NCOR2: variants seen among roughly 807,000 people sequenced by gnomAD.
The protein encoded by NCOR2 is CTG repeat protein 26.
NCOR2 carries 81 observed loss-of-function variants against 262.9 expected under a neutral mutation model. The observed-to-expected ratio is 0.31, with a 90% CI of 0.26 to 0.37. The LOEUF is 0.37. Among genes scored for constraint, NCOR2 ranks in the 10% least tolerant of loss-of-function variants. The pLI is 1.00. For synonymous variants in NCOR2, 1,659 were observed against 1,559.3 expected (o/e 1.06, Z -1.51); for missense variants, 3,385 against 3,621.4 (o/e 0.93, Z 1.68).
intron 16 of NCOR2, among the ~76,000 whole-genome samples, chr12:124,392,124 G>A (rs531538522): frequency 3.3e-5 from 5 of 152,344 alleles, no homozygotes; most frequent in African/African-American, 9.6e-5. Flanking sequence ...CATTACTACC[G>A]CATCGACCGC....
At chr12:124,538,015 C>T (rs1249646796), upstream of NCOR2, 1 of 152,298 alleles carries the variant, frequency 6.6e-6, no homozygotes, top group Non-Finnish European at 1.5e-5. Context: ...GGTGGCCAGC[C>T]ACCTGCAGCA....
rs758743334 is a variant in NCOR2 at position 124,356,782 on chromosome 12, G to T, written c.3101C>A (p.Ala1034Asp). The change falls in exon 23 of 47, where the codon GCC (alanine) becomes GAC (aspartate). Residue 1034 changes from alanine (A) to aspartate (D), a missense_variant and splice_region_variant. Ala to Asp is a moderately radical substitution (Grantham distance 126). Coordinates refer to ENST00000405201, the Ensembl canonical transcript of NCOR2. ...CAGCTTCTGGGCCTCGGCTGCGAAG[G>T]CTGGGAAGAACACAGGCTTCTCTGC... The T allele has an allele frequency of 2.3e-5, 34 of 1,471,594 alleles. No homozygotes were observed. Among genetic ancestry groups the T allele is most frequent in the Middle Eastern group, 1.7e-4 (1 of 5,744 alleles). The allele number at this position is 1,471,594 out of a possible 1,614,324, so 91.2% of individuals were successfully genotyped here.
At chr12:124,532,173 C>T (rs80341023) in intron 1 of NCOR2, among the ~76,000 whole-genome samples, 70 of 152,252 alleles carry the variant, frequency 4.6e-4, no homozygotes, top group African/African-American at 1.4e-3. Context: ...GCTTAGTGCA[C>T]GCATAGCGAG....
intron 4 of NCOR2, among the ~76,000 whole-genome samples, chr12:124,470,910 G>C (rs1593701262): frequency 6.6e-6 from 1 of 152,266 alleles, no homozygotes; most frequent in East Asian, 1.9e-4. Context: ...GCTTCCAGCT[G>C]CAGTCACCAA....
At chr12:124,495,362 C>T, upstream of NCOR2, 1 of 1,445,392 alleles carries the variant, frequency 6.9e-7, no homozygotes. The surrounding 1 kb of genome is among the most constrained non-coding windows in gnomAD (Gnocchi z 4.4). Context: ...CACCCCGTCA[C>T]TGGCACCTGC....
At position 124,512,214 on chromosome 12, in the gene NCOR2, C is replaced by T. The variant is rs969818306; in HGVS notation, c.-117-16846G>A. Among the ~76,000 whole-genome samples the T allele has an allele frequency of 5.9e-5, 9 of 152,146 alleles. No individual in the cohort carries two copies. The South Asian group carries it at 6.2e-4, about 11-fold the overall frequency. ...GGCATGAGCCACCTCGCCCGGCCAA[C>T]GACAGCAATTTATTCTCTAACAGTT... On this transcript the variant is annotated intron_variant, in intron 1 of 46. Transcript: ENST00000404621.
chr12:124,554,884 G>A (rs2051834273), intron 1 of NCOR2, among the ~76,000 whole-genome samples: 1 of 152,266 alleles, frequency 6.6e-6, no homozygotes, highest in Non-Finnish European at 1.5e-5. Flanking sequence ...CGCAGCCTGG[G>A]AGCCTTCGAG....
chr12:124,493,102 C>T (rs2048181490), intron 1 of NCOR2, among the ~76,000 whole-genome samples: 2 of 152,256 alleles, frequency 1.3e-5, no homozygotes, highest in Admixed American at 6.5e-5. Flanking sequence ...CACCCACATC[C>T]TGCGTCACTG....
chr12:124,491,866 G>A lies in NCOR2; in HGVS notation c.105+3281C>T, dbSNP rs1438627042. 2.0e-5 allele frequency among the ~76,000 whole-genome samples: 3 copies of A among 152,190 alleles called. 1 individual carries two copies. The highest frequency in any genetic ancestry group is 7.2e-5 in the African/African-American group (3 of 41,452). On this transcript the variant is annotated intron_variant, in intron 1 of 46. Transcript: ENST00000405201. ...GATCCTGCTACTGTCACGGAGAGAA[G>A]CTGGGCCCCTGAGGATGGAGAGAAT...
chr12:124,373,439 G>T, intron 19 of NCOR2, among the ~76,000 whole-genome samples: 1 of 109,848 alleles, frequency 9.1e-6, no homozygotes, highest in African/African-American at 3.3e-5. Context: ...AGGGGCCCCG[G>T]GCACAGTGGG....
At chr12:124,344,830 G>A (rs866780446) in exon 32 of NCOR2, 5 of 1,560,532 alleles carry the variant, frequency 3.2e-6, no homozygotes, top group Non-Finnish European at 3.5e-6. Context: ...CCGGGCGTCG[G>A]CCATCACATC....
intron 5 of NCOR2, among the ~76,000 whole-genome samples, chr12:124,460,626 A>G (rs1399436655): frequency 6.6e-6 from 1 of 152,156 alleles, no homozygotes. Context: ...CTGCTCTCCA[A>G]GCCACAATCA....
rs186952111 is a variant in NCOR2 at position 124,546,341 on chromosome 12, C to T, written c.-164-10730G>A. Among the ~76,000 whole-genome samples the T allele has an allele frequency of 1.5e-3, 227 of 152,328 alleles. 1 individual carries two copies. Among genetic ancestry groups the T allele is most frequent in the Admixed American group, 7.6e-3 (117 of 15,298 alleles). ...CCTGCTTAGCCACGGCAGCTTTCCA[C>T]AGTTTCAGTATGGTGGTCTGAAAAC... is the stretch of plus-strand genomic sequence containing the variant. On this transcript the variant is annotated intron_variant, in intron 1 of 32. Transcript: ENST00000458234.
At chr12:124,384,552 C>T (rs529362272) in intron 17 of NCOR2, among the ~76,000 whole-genome samples, 6 of 152,268 alleles carry the variant, frequency 3.9e-5, no homozygotes, top group East Asian at 1.9e-4. Context: ...AGCGGCCGCG[C>T]GCACACATGA....
At chr12:124,485,487 C>T (rs916456025) in intron 2 of NCOR2, among the ~76,000 whole-genome samples, 4 of 152,374 alleles carry the variant, frequency 2.6e-5, no homozygotes, top group South Asian at 2.1e-4. Context: ...TCTGAGGGGG[C>T]GCGGCCCTGC....
intron 19 of NCOR2, 30 bp downstream of exon 21, chr12:124,374,383 A>ACC (rs764192572): frequency 6.2e-7 from 1 of 1,608,486 alleles, no homozygotes; most frequent in African/African-American, 1.3e-5. Context: ...GCCCGGCCCT[A>ACC]CCCCCCAGGC....
intron 4 of NCOR2, among the ~76,000 whole-genome samples, chr12:124,470,285 C>G (rs901651139): frequency 6.6e-6 from 1 of 152,070 alleles, no homozygotes; most frequent in African/African-American, 2.4e-5. Context: ...TGGAAAACAG[C>G]CTGGAAAGTC....
intron 7 of NCOR2, among the ~76,000 whole-genome samples, chr12:124,449,503 A>G (rs1241272753): frequency 1.3e-5 from 2 of 152,182 alleles, no homozygotes; most frequent in Admixed American, 6.5e-5. Context: ...CTGCTCGAAC[A>G]GGATGCAGAT....
chr12:124,410,339 C>A (rs1000661441), intron 13 of NCOR2, among the ~76,000 whole-genome samples: 1 of 151,316 alleles, frequency 6.6e-6, no homozygotes, highest in Non-Finnish European at 1.5e-5. Flanking sequence ...TCTGCTCCAT[C>A]CCTGGGCTCC....
Sources: allele counts gnomAD v4.1 joint callset (sites outside exome capture counted in the v4.1 genomes callset), GRCh38; gene constraint gnomAD v4.1.1; non-coding constraint Gnocchi (gnomAD v3.1); transcripts MANE v1.5; gene names NCBI Gene and HGNC (gene_info 2026-07-23, HGNC 2026-07-21).